Variants in DTNA observed in about 807,000 individuals in gnomAD.
The protein encoded by DTNA is dystrobrevin alpha, also known as dystrophin-related protein 3.
Under a neutral mutation model 100.7 loss-of-function variants are expected in DTNA, and 43 were observed. That is an observed-to-expected ratio of 0.43 (90% CI 0.33 to 0.55). The LOEUF is 0.55. Among genes scored for constraint, DTNA ranks in the 20% least tolerant of loss-of-function variants. DTNA has a pLI of 0.04. For synonymous variants in DTNA, 349 were observed against 347.9 expected, an observed-to-expected ratio of 1.00 and a Z score of -0.04; for missense variants, 798 against 953.9, an observed-to-expected ratio of 0.84 and a Z score of 2.15.
At chr18:34,522,286 A>T (rs1398745550) in intron 1 of DTNA, among the ~76,000 whole-genome samples, 1 of 152,136 alleles carries the variant, frequency 6.6e-6, no homozygotes, top group Non-Finnish European at 1.5e-5. Flanking sequence ...TGGGGCTTTC[A>T]GATTTAGGTT....
At chr18:34,660,501 A>G (rs1310873241) in intron 1 of DTNA, among the ~76,000 whole-genome samples, 1 of 152,066 alleles carries the variant, frequency 6.6e-6, no homozygotes, top group Non-Finnish European at 1.5e-5. Flanking sequence ...TAGCCCTGCA[A>G]AGCTATTGCT....
intron 1 of DTNA, among the ~76,000 whole-genome samples, chr18:34,649,901 C>T (rs983699680): frequency 2.0e-5 from 3 of 152,126 alleles, no homozygotes; most frequent in Non-Finnish European, 4.4e-5. Context: ...TGTAAATTCA[C>T]TTTGTTGCTC....
At chr18:34,826,575 C>A (rs1332323552) in intron 9 of DTNA, among the ~76,000 whole-genome samples, 3 of 152,046 alleles carry the variant, frequency 2.0e-5, no homozygotes, top group African/African-American at 7.2e-5. Context: ...CTTAATTATG[C>A]CAATATAAAT....
intron 9 of DTNA, chr18:34,822,526 A>G (rs1175398624): frequency 6.6e-6 from 1 of 152,320 alleles, no homozygotes; most frequent in African/African-American, 2.4e-5. Context: ...CCTCCAAAGA[A>G]TTAGAACGTG....
At chr18:34,750,471 AC>A (rs2092209174) in intron 1 of DTNA, among the ~76,000 whole-genome samples, 1 of 152,130 alleles carries the variant, frequency 6.6e-6, no homozygotes, top group Non-Finnish European at 1.5e-5. Context: ...TTTTCAGTTT[AC>A]CAATTTCAGA....
At chr18:34,560,038 C>A (rs2146203504) in intron 1 of DTNA, among the ~76,000 whole-genome samples, 1 of 152,254 alleles carries the variant, frequency 6.6e-6, no homozygotes, top group South Asian at 2.1e-4. Flanking sequence ...ATAGACTTTT[C>A]CCTTTATTTG....
chr18:34,664,442 T>C (rs1488689923), intron 1 of DTNA, among the ~76,000 whole-genome samples: 1 of 152,170 alleles, frequency 6.6e-6, no homozygotes, highest in Non-Finnish European at 1.5e-5. Context: ...TTTAAACGTA[T>C]AATGAGAATC....
At position 34,554,728 on chromosome 18, in the gene DTNA, C is replaced by G. The variant is rs1439210539; in HGVS notation, c.-2+61214C>G. Among the ~76,000 whole-genome samples, 17 of 140,188 alleles carry G rather than the reference C, an allele frequency of 1.2e-4. No individual in the cohort carries two copies. The East Asian group carries it at 3.4e-3, about 28-fold the overall frequency. The allele number at this position is 140,188 out of a possible 152,430, so 92.0% of individuals were successfully genotyped here. A position where few individuals can be genotyped will look rare whatever the true frequency, so the allele number is the denominator to read the frequency against. On this transcript the variant is annotated intron_variant, in intron 1 of 19. Transcript: ENST00000283365. ...CCTTGCATCCCAGGGATGAAGCCCA[C>G]TTGATCATGGTGGATAAGCTTTTTG...
At chr18:34,759,797 C>G (rs1342293278) in intron 2 of DTNA, 1 of 152,466 alleles carries the variant, frequency 6.6e-6, no homozygotes, top group Non-Finnish European at 1.5e-5. Flanking sequence ...TCTTGTGCCT[C>G]AGCCTCCCAA....
At chr18:34,632,763 A>C (rs904841648) in intron 1 of DTNA, among the ~76,000 whole-genome samples, 2 of 152,090 alleles carry the variant, frequency 1.3e-5, no homozygotes, top group Non-Finnish European at 2.9e-5. Flanking sequence ...TTGTTTTTCA[A>C]CTCACTTTTA....
At chr18:34,662,135 G>GTT (rs34780258) in intron 1 of DTNA, among the ~76,000 whole-genome samples, 12 of 135,854 alleles carry the variant, frequency 8.8e-5, no homozygotes, top group Non-Finnish European at 9.6e-5. Context: ...ACCGGTTGTT[G>GTT]TTTTTTTTTT....
At chr18:34,859,632 G>T (rs527740797) in intron 16 of DTNA, among the ~76,000 whole-genome samples, 1 of 152,298 alleles carries the variant, frequency 6.6e-6, no homozygotes, top group South Asian at 2.1e-4. Flanking sequence ...AGTAGCCTCG[G>T]ATCCTTTTGT....
At chr18:34,756,930 A>G (rs1297934624) in intron 2 of DTNA, among the ~76,000 whole-genome samples, 1 of 152,136 alleles carries the variant, frequency 6.6e-6, no homozygotes, top group Admixed American at 6.5e-5. Flanking sequence ...CTTTTTCCCT[A>G]AGAAGGCAGT....
intron 1 of DTNA, among the ~76,000 whole-genome samples, chr18:34,749,065 A>C (rs2092012787): frequency 6.6e-6 from 1 of 151,702 alleles, no homozygotes; most frequent in African/African-American, 2.4e-5. Context: ...GTTTTATTTT[A>C]TTTTATTTGC....
At chr18:34,869,480 C>G (rs1013459858) in intron 17 of DTNA, among the ~76,000 whole-genome samples, 1 of 152,070 alleles carries the variant, frequency 6.6e-6, no homozygotes, top group African/African-American at 2.4e-5. Context: ...ACAGACAAGT[C>G]CAGTAAGTTT....
chr18:34,792,228 T>TA (rs1010426529), intron 3 of DTNA, among the ~76,000 whole-genome samples: 22 of 152,320 alleles, frequency 1.4e-4, no homozygotes, highest in African/African-American at 5.1e-4. Context: ...TAAGAATGTC[T>TA]GAACAGATTG....
chr18:34,752,534 G>C (rs889958860), intron 1 of DTNA, among the ~76,000 whole-genome samples: 3 of 152,166 alleles, frequency 2.0e-5, no homozygotes, highest in African/African-American at 7.2e-5. Flanking sequence ...AATCTAGCAG[G>C]CCTCCCATTT....
chr18:34,879,976 A>G (rs918220301), intron 20 of DTNA, among the ~76,000 whole-genome samples: 1 of 152,140 alleles, frequency 6.6e-6, no homozygotes. Context: ...CCCAAGGCAC[A>G]TTGCTAGTGC....
chr18:34,571,697 T>C (rs908654439), intron 1 of DTNA, among the ~76,000 whole-genome samples: 1 of 152,196 alleles, frequency 6.6e-6, no homozygotes, highest in Admixed American at 6.5e-5. Flanking sequence ...TAATTTAAAT[T>C]AATGAAATGG....
Sources: gnomAD v4.1 joint callset for allele counts (sites outside exome capture counted in the v4.1 genomes callset) on GRCh38, gnomAD v4.1.1 for gene constraint, MANE v1.5 for transcripts, NCBI Gene and HGNC (gene_info 2026-07-23, HGNC 2026-07-21) for gene names.